PRKN: variants seen among roughly 807,000 people sequenced by gnomAD.
PRKN encodes parkin RBR E3 ubiquitin protein ligase, also known as E3 ubiquitin-protein ligase parkin.
In PRKN, 56 loss-of-function variants were observed where a neutral mutation model predicts 59.5. That is an observed-to-expected ratio of 0.94 (90% CI 0.76 to 1.18). PRKN has a LOEUF of 1.18. Ranked by LOEUF, PRKN falls within the 50% of genes most tolerant of loss-of-function variation. The pLI is 0.00. For missense variants in PRKN, 657 were observed against 596.4 expected (o/e 1.10, Z -1.06); for synonymous variants, 250 against 222.1 (o/e 1.13, Z -1.12).
chr6:162,073,405 T>G (rs1778667564), intron 4 of PRKN, among the ~76,000 whole-genome samples: 1 of 152,148 alleles, frequency 6.6e-6, no homozygotes. Flanking sequence ...GTCTTGAAAA[T>G]TTTCCCAAGT....
chr6:161,752,956 G>A (rs1165634806), intron 7 of PRKN, among the ~76,000 whole-genome samples: 3 of 152,156 alleles, frequency 2.0e-5, no homozygotes, highest in Non-Finnish European at 4.4e-5. Context: ...AGTATGGGCA[G>A]TGGTAACGCT....
intron 9 of PRKN, among the ~76,000 whole-genome samples, chr6:161,406,229 T>C (rs193225858): frequency 1.0e-4 from 15 of 145,934 alleles, no homozygotes; most frequent in South Asian, 6.7e-4. Context: ...TATATATATA[T>C]ACACACACTT....
chr6:162,289,941 C>T (rs917415910), intron 2 of PRKN, among the ~76,000 whole-genome samples: 1 of 152,096 alleles, frequency 6.6e-6, no homozygotes, highest in Non-Finnish European at 1.5e-5. Context: ...GAATGACCTA[C>T]CTGGAAGTAA....
At chr6:161,762,282 C>A (rs1028487958) in intron 7 of PRKN, among the ~76,000 whole-genome samples, 1 of 152,152 alleles carries the variant, frequency 6.6e-6, no homozygotes, top group Non-Finnish European at 1.5e-5. Flanking sequence ...GAGAACCTGA[C>A]AATGAGGAAT....
intron 3 of PRKN, among the ~76,000 whole-genome samples, chr6:162,205,439 T>C (rs1006845275): frequency 5.9e-5 from 9 of 152,236 alleles, no homozygotes; most frequent in Middle Eastern, 3.4e-3. Context: ...GTTCTGATTC[T>C]AATGGAAACT....
chr6:161,477,560 G>T (rs1381933428), intron 9 of PRKN, among the ~76,000 whole-genome samples: 1 of 150,636 alleles, frequency 6.6e-6, no homozygotes, highest in Non-Finnish European at 1.5e-5. Flanking sequence ...TAAGGTTAAT[G>T]AATCAAGGTG....
intron 4 of PRKN, among the ~76,000 whole-genome samples, chr6:162,184,298 C>A (rs7765100): frequency 0.3 from 46,217 of 152,040 alleles, 8,863 homozygotes; most frequent in African/African-American, 0.54. Context: ...ATCCACTGTC[C>A]TCTCTTTCTC....
rs972899016 is a variant in PRKN, at chr6:161,391,041, T to C, written c.1084-4164A>G. Among the ~76,000 whole-genome samples the C allele has an allele frequency of 1.2e-4, 19 of 152,146 alleles. No individual in the cohort carries two copies. The highest frequency in any genetic ancestry group is 2.0e-4 in the Admixed American group (3 of 15,270). ...GGTTAGGCAGATACAAAACTCCTTC[T>C]TAAGACAGTGTTCGGGCCAGTTTGC... On this transcript the variant is annotated intron_variant, in intron 9 of 11. Coordinates refer to ENST00000366898, the MANE Select transcript of PRKN (RefSeq NM_004562.3). The surrounding 1 kb of genome is among the most constrained non-coding windows in gnomAD (Gnocchi z 4.9).
chr6:161,881,491 C>G (rs1043545040), intron 6 of PRKN, among the ~76,000 whole-genome samples: 6 of 152,196 alleles, frequency 3.9e-5, no homozygotes. Flanking sequence ...TCACACACGA[C>G]CAGATTCCAT....
chr6:162,445,133 A>G (rs1034458484), intron 1 of PRKN, among the ~76,000 whole-genome samples: 6 of 152,146 alleles, frequency 3.9e-5, no homozygotes, highest in African/African-American at 1.4e-4. Flanking sequence ...AATAATCATT[A>G]CAATGCCAAT....
At chr6:162,684,980 G>A (rs989641508) in intron 1 of PRKN, among the ~76,000 whole-genome samples, 17 of 152,224 alleles carry the variant, frequency 1.1e-4, no homozygotes, top group Admixed American at 3.9e-4. Context: ...TGTTTACGGT[G>A]TAAAAAAGAA....
chr6:161,689,326 T>C (rs1049446026), intron 7 of PRKN, among the ~76,000 whole-genome samples: 3 of 152,174 alleles, frequency 2.0e-5, no homozygotes, highest in South Asian at 2.1e-4. Flanking sequence ...ATATTCCATA[T>C]GCCACCTCGT....
intron 1 of PRKN, among the ~76,000 whole-genome samples, chr6:162,646,542 C>T (rs1291393775): frequency 6.6e-6 from 1 of 152,080 alleles, no homozygotes; most frequent in African/African-American, 2.4e-5. Context: ...CTTTGGCCTC[C>T]CAAACTGCTT....
rs570801373 is a variant in PRKN at position 162,610,334 on chromosome 6, G to A, written c.7+117328C>T. Among the ~76,000 whole-genome samples, 8 of 152,224 alleles carry A rather than the reference G, an allele frequency of 5.3e-5. No homozygotes were observed. The South Asian group carries it at 1.7e-3, about 32-fold the overall frequency. On this transcript the variant is annotated intron_variant, in intron 1 of 11. Transcript: ENST00000366898. ...TCTAGGCTCTTCACCACATGCTATG[G>A]TTCTGTCCTAAGCAGGATTTTATTT...
At chr6:161,609,697 A>G (rs1042108477) in intron 7 of PRKN, among the ~76,000 whole-genome samples, 2 of 152,086 alleles carry the variant, frequency 1.3e-5, no homozygotes, top group African/African-American at 4.8e-5. Context: ...AAAACAAAAA[A>G]CCCTAAGAAA....
At chr6:161,925,199 T>A (rs1778922286) in intron 6 of PRKN, among the ~76,000 whole-genome samples, 1 of 152,184 alleles carries the variant, frequency 6.6e-6, no homozygotes, top group Admixed American at 6.5e-5. Context: ...ATAAAACAAT[T>A]TATGATGGGC....
intron 1 of PRKN, among the ~76,000 whole-genome samples, chr6:162,543,066 G>A (rs560044490): frequency 6.6e-6 from 1 of 152,110 alleles, no homozygotes; most frequent in African/African-American, 2.4e-5. Flanking sequence ...ACAGTCAGTT[G>A]GTGTCCCCTG....
chr6:162,175,206 C>T (rs563048281), intron 4 of PRKN, among the ~76,000 whole-genome samples: 126 of 152,328 alleles, frequency 8.3e-4, no homozygotes, highest in African/African-American at 2.8e-3. Flanking sequence ...TCCAGGCAAG[C>T]TGTCCCAGAG....
intron 3 of PRKN, among the ~76,000 whole-genome samples, chr6:162,234,637 G>A (rs1296795419): frequency 2.0e-5 from 3 of 152,092 alleles, no homozygotes; most frequent in African/African-American, 4.8e-5. Flanking sequence ...TAAGAGCTGT[G>A]CTAATACTTT....
Sources: allele counts gnomAD v4.1 joint callset (sites outside exome capture counted in the v4.1 genomes callset), GRCh38; gene constraint gnomAD v4.1.1; non-coding constraint Gnocchi (gnomAD v3.1); transcripts MANE v1.5; gene names NCBI Gene and HGNC (gene_info 2026-07-23, HGNC 2026-07-21).